ADAM10: variants seen among roughly 807,000 people sequenced by gnomAD.
ADAM10 encodes ADAM metallopeptidase domain 10, also known as disintegrin and metalloproteinase domain-containing protein 10.
A neutral mutation model predicts 90.1 loss-of-function variants in ADAM10; 17 were observed. The observed-to-expected ratio is 0.19, with a 90% CI of 0.13 to 0.28. The LOEUF (loss-of-function observed/expected upper bound fraction) is 0.28. Ranked by LOEUF, ADAM10 falls within the 10% of genes least tolerant of loss-of-function variation. The probability of loss-of-function intolerance (pLI) is 1.00; values close to 1 mark genes in which losing one functional copy is unlikely to be tolerated. For missense variants in ADAM10, 610 were observed against 914.3 expected (o/e 0.67, Z 4.29); for synonymous variants, 310 against 298.6 (o/e 1.04, Z -0.40).
At chr15:58,731,026 G>A (rs545182277) in intron 1 of ADAM10, among the ~76,000 whole-genome samples, 7 of 152,108 alleles carry the variant, frequency 4.6e-5, no homozygotes, top group South Asian at 2.1e-4. Flanking sequence ...CTGTATAATC[G>A]TGTAAGCCAA....
chr15:58,689,741 G>T (rs1417657348), intron 2 of ADAM10, among the ~76,000 whole-genome samples: 1 of 151,854 alleles, frequency 6.6e-6, no homozygotes, highest in Non-Finnish European at 1.5e-5. Flanking sequence ...TACAAATTAT[G>T]AAAACTATCA....
chr15:58,617,569 G>C (rs1895653526), intron 11 of ADAM10, among the ~76,000 whole-genome samples: 1 of 152,110 alleles, frequency 6.6e-6, no homozygotes, highest in African/African-American at 2.4e-5. Flanking sequence ...GAGCAATTAG[G>C]CAAGAGAAGA....
chr15:58,681,740 A>G (rs1485366357), intron 3 of ADAM10, among the ~76,000 whole-genome samples: 2 of 152,218 alleles, frequency 1.3e-5, no homozygotes, highest in Admixed American at 1.3e-4. Flanking sequence ...AGAATTGTGA[A>G]TAAAGCAAAT....
rs1276736924 is a variant in ADAM10, at chr15:58,749,137, G to A, written c.55+343C>T. On this transcript the variant is annotated intron_variant, in intron 1 of 15. Coordinates refer to ENST00000260408, the MANE Select transcript of ADAM10 (RefSeq NM_001110.4). ...ACCGGCGCCCGCCGAGCAGACTGGA[G>A]GGATGCAGCCACCAGCCTGGGTTCC... 4 of 398,334 alleles carry A rather than the reference G, an allele frequency of 1.0e-5. No individual in the cohort carries two copies. In the Admixed American group the frequency reaches 1.3e-4, roughly 13 times the overall value. 24.7% of individuals were successfully genotyped at this position (398,334 alleles called of 1,614,324 possible).
intron 1 of ADAM10, among the ~76,000 whole-genome samples, chr15:58,728,900 G>A (rs951655259): frequency 2.0e-5 from 3 of 152,134 alleles, no homozygotes; most frequent in Non-Finnish European, 4.4e-5. Flanking sequence ...AGTAAGAGAT[G>A]GGGAAATAAA....
intron 4 of ADAM10, among the ~76,000 whole-genome samples, chr15:58,677,400 C>A (rs557435000): frequency 1.3e-5 from 2 of 152,242 alleles, no homozygotes; most frequent in Admixed American, 6.5e-5. Flanking sequence ...CATCCAGTGT[C>A]ATTCATCCTC....
intron 4 of ADAM10, among the ~76,000 whole-genome samples, chr15:58,666,545 A>C (rs1897086454): frequency 6.6e-6 from 1 of 151,960 alleles, no homozygotes; most frequent in Non-Finnish European, 1.5e-5. Context: ...TGACCATGCA[A>C]GCTGAAACTA....
At chr15:58,718,030 C>T (rs1355593182) in intron 1 of ADAM10, among the ~76,000 whole-genome samples, 1 of 152,092 alleles carries the variant, frequency 6.6e-6, no homozygotes, top group African/African-American at 2.4e-5. Flanking sequence ...GGTGCAGGGG[C>T]TCACTCCTGT....
chr15:58,725,300 G>C (rs1223901964), intron 1 of ADAM10, among the ~76,000 whole-genome samples: 1 of 151,532 alleles, frequency 6.6e-6, no homozygotes, highest in Non-Finnish European at 1.5e-5. Context: ...GGAGGCTAAG[G>C]CAGGAGGACT....
chr15:58,713,281 C>G (rs1898535928), intron 2 of ADAM10, among the ~76,000 whole-genome samples: 1 of 152,008 alleles, frequency 6.6e-6, no homozygotes. Context: ...TTCTTCTAAT[C>G]TTTCTGTAGA....
chr15:58,644,062 T>C, intron 6 of ADAM10, 84 bp from the exon 7 acceptor site: 2 of 991,092 alleles, frequency 2.0e-6, no homozygotes, highest in Non-Finnish European at 3.2e-6. Flanking sequence ...AATCAGTAAT[T>C]ATTCATGTCC....
chr15:58,652,288 G>C (rs1370145078), intron 5 of ADAM10, among the ~76,000 whole-genome samples: 1 of 152,110 alleles, frequency 6.6e-6, no homozygotes, highest in Non-Finnish European at 1.5e-5. Flanking sequence ...GGTTGCCTGT[G>C]CTTATGGGGT....
At chr15:58,709,871 T>C (rs571447436) in intron 2 of ADAM10, among the ~76,000 whole-genome samples, 2 of 152,352 alleles carry the variant, frequency 1.3e-5, no homozygotes, top group African/African-American at 4.8e-5. Context: ...TTCACGCTCT[T>C]ACTTCCATAC....
At chr15:58,679,362 G>C in intron 3 of ADAM10, 80 bp from the exon 4 acceptor site, 2 of 1,202,110 alleles carry the variant, frequency 1.7e-6, no homozygotes, top group Non-Finnish European at 2.4e-6. Flanking sequence ...GTATATATGT[G>C]TGTATATATA....
chr15:58,639,766 GAGAA>G (rs1249006945), intron 8 of ADAM10, among the ~76,000 whole-genome samples: 4 of 152,038 alleles, frequency 2.6e-5, no homozygotes, highest in Admixed American at 6.5e-5. Flanking sequence ...TTTAAAAAAG[GAGAA>G]AGAAATACAA....
At chr15:58,737,061 G>C (rs1899454555) in intron 1 of ADAM10, among the ~76,000 whole-genome samples, 1 of 152,082 alleles carries the variant, frequency 6.6e-6, no homozygotes, top group Non-Finnish European at 1.5e-5. Context: ...TGGCCTCCTT[G>C]TCACAGGAGA....
intron 1 of ADAM10, among the ~76,000 whole-genome samples, chr15:58,737,000 G>A (rs565651253): frequency 1.3e-5 from 2 of 152,072 alleles, no homozygotes; most frequent in South Asian, 4.1e-4. Flanking sequence ...TCACATGCAA[G>A]AGTGGCAGAA....
chr15:58,688,499 A>G (rs1270532603), intron 2 of ADAM10, among the ~76,000 whole-genome samples: 7 of 152,022 alleles, frequency 4.6e-5, no homozygotes, highest in Admixed American at 1.3e-4. Flanking sequence ...GAAATGTGAC[A>G]AAGAAGAAGA....
chr15:58,699,465 A>G (rs1168639998), intron 2 of ADAM10, among the ~76,000 whole-genome samples: 1 of 152,240 alleles, frequency 6.6e-6, no homozygotes, highest in Non-Finnish European at 1.5e-5. Flanking sequence ...AGAAAGGAAC[A>G]AAGAATATAC....
Sources: allele counts gnomAD v4.1 joint callset (sites outside exome capture counted in the v4.1 genomes callset), GRCh38; gene constraint gnomAD v4.1.1; transcripts MANE v1.5; gene names NCBI Gene and HGNC (gene_info 2026-07-23, HGNC 2026-07-21).